PHF14: variants seen among roughly 807,000 people sequenced by gnomAD.
The protein encoded by PHF14 is PHD finger protein 14.
Under a neutral mutation model 117.9 loss-of-function variants are expected in PHF14, and 55 were observed. That is an observed-to-expected ratio of 0.47 (90% confidence interval 0.38 to 0.58). The LOEUF is 0.58. PHF14 is among the 20% of genes least tolerant of loss of function. PHF14 has a pLI of 0.00. For missense variants in PHF14, 978 were observed against 1,122.2 expected, an observed-to-expected ratio of 0.87 and a Z score of 1.84; for synonymous variants, 409 against 368.6, an observed-to-expected ratio of 1.11 and a Z score of -1.26.
At chr7:11,050,796 T>C (rs2128326475) in intron 13 of PHF14, among the ~76,000 whole-genome samples, 1 of 152,322 alleles carries the variant, frequency 6.6e-6, no homozygotes, top group South Asian at 2.1e-4. Flanking sequence ...GATAAATAAA[T>C]GTATATTTCT....
intron 2 of PHF14, among the ~76,000 whole-genome samples, chr7:10,976,522 C>T (rs930407591): frequency 2.0e-5 from 3 of 152,090 alleles, no homozygotes; most frequent in East Asian, 3.9e-4. Flanking sequence ...TTAAGTATTA[C>T]ATTATTATGT....
At chr7:11,040,971 A>G (rs1028806590) in intron 12 of PHF14, among the ~76,000 whole-genome samples, 196 bp downstream of exon 12, 2 of 152,048 alleles carry the variant, frequency 1.3e-5, no homozygotes, top group Admixed American at 6.6e-5. Context: ...GTTTTAACCT[A>G]AACTCTATGG....
chr7:11,092,689 T>G (rs544769221), intron 16 of PHF14, among the ~76,000 whole-genome samples: 1 of 152,294 alleles, frequency 6.6e-6, no homozygotes, highest in Non-Finnish European at 1.5e-5. Flanking sequence ...ATTGCCTTTT[T>G]GAAGTCTCTT....
intron 13 of PHF14, among the ~76,000 whole-genome samples, chr7:11,045,712 T>C (rs955808783): frequency 6.6e-6 from 1 of 152,156 alleles, no homozygotes; most frequent in Non-Finnish European, 1.5e-5. Flanking sequence ...TGGATACAGA[T>C]ACAGAAGTAA....
chr7:11,068,754 G>A (rs1158012866), intron 16 of PHF14, among the ~76,000 whole-genome samples: 3 of 152,144 alleles, frequency 2.0e-5, no homozygotes, highest in Non-Finnish European at 2.9e-5. Context: ...ATTATAATAG[G>A]CTTTGTGTTG....
chr7:11,019,746 T>C (rs1030985598), intron 5 of PHF14, among the ~76,000 whole-genome samples: 1 of 152,164 alleles, frequency 6.6e-6, no homozygotes, highest in Non-Finnish European at 1.5e-5. Flanking sequence ...TTATTTCTGC[T>C]CTGATCTTTA....
intron 16 of PHF14, chr7:11,071,233 C>A (rs1285223776): frequency 1.9e-6 from 1 of 518,126 alleles, no homozygotes; most frequent in Non-Finnish European, 3.9e-6. Context: ...AGTACACTAG[C>A]TCTGATATTC....
At chr7:11,020,043 A>C (rs1439212165) in intron 5 of PHF14, among the ~76,000 whole-genome samples, 2 of 150,908 alleles carry the variant, frequency 1.3e-5, no homozygotes, top group Non-Finnish European at 2.9e-5. Flanking sequence ...AATAAGCTTT[A>C]TGTTGCAATA....
chr7:11,004,246 CAAA>C (rs55917513), intron 4 of PHF14, among the ~76,000 whole-genome samples: 4 of 51,278 alleles, frequency 7.8e-5, no homozygotes, highest in Admixed American at 2.3e-4. Context: ...GACTTTGTCT[CAAA>C]AAAAAAAAAA....
chr7:11,152,639 A>G (rs1203051548), intron 17 of PHF14, among the ~76,000 whole-genome samples: 3 of 151,342 alleles, frequency 2.0e-5, no homozygotes, highest in Non-Finnish European at 4.4e-5. Context: ...ACTAACTTAT[A>G]AGGATATCGT....
intron 2 of PHF14, among the ~76,000 whole-genome samples, chr7:10,978,740 C>T (rs1313275577): frequency 6.6e-6 from 1 of 152,130 alleles, no homozygotes; most frequent in African/African-American, 2.4e-5. Context: ...CCTGCCCCAG[C>T]CTCACCTCCA....
At chr7:11,051,876 C>A in intron 14 of PHF14, 96 bp downstream of exon 14, 5 of 993,998 alleles carry the variant, frequency 5.0e-6, no homozygotes, top group South Asian at 1.9e-5. Context: ...ACTCAGAAGT[C>A]AAAGAAAAAG....
chr7:11,109,406 A>G (rs1242001842), intron 16 of PHF14: 4 of 151,894 alleles, frequency 2.6e-5, no homozygotes, highest in African/African-American at 9.7e-5. Flanking sequence ...GATGACAAAT[A>G]TAAATTATAT....
At chr7:11,098,223 A>G (rs771649157) in intron 16 of PHF14, among the ~76,000 whole-genome samples, 8 of 152,234 alleles carry the variant, frequency 5.3e-5, no homozygotes, top group Non-Finnish European at 7.3e-5. Flanking sequence ...AGCCATGTAT[A>G]TAATTTGAAA....
rs1362358132 is a variant in PHF14 at position 11,051,606 on chromosome 7, A to G, written c.2313-6A>G. The G allele has an allele frequency of 6.2e-7, 1 of 1,606,512 alleles. No individual in the cohort carries two copies. Among genetic ancestry groups the G allele is most frequent in the Middle Eastern group, 1.7e-4 (1 of 6,038 alleles). On this transcript the variant is annotated splice_polypyrimidine_tract_variant and splice_region_variant and intron_variant, in intron 13 of 17. Transcript: ENST00000634607. ...TGCATGACTTAAATTTTTCCCCTTT[A>G]TGTAGGCAGTGCTCGGAATGTGACC...
intron 16 of PHF14, among the ~76,000 whole-genome samples, chr7:11,099,763 A>G (rs1001450600): frequency 2.8e-4 from 43 of 152,012 alleles, no homozygotes; most frequent in African/African-American, 9.7e-4. Flanking sequence ...ATTTTTTCTT[A>G]AGTTATGTAA....
intron 3 of PHF14, among the ~76,000 whole-genome samples, chr7:10,986,652 C>T (rs1267699368): frequency 6.6e-6 from 1 of 152,126 alleles, no homozygotes; most frequent in Non-Finnish European, 1.5e-5. Context: ...TGAAGAATCC[C>T]CTTGAAATGT....
At chr7:11,023,697 G>A (rs1406270077) in intron 6 of PHF14, among the ~76,000 whole-genome samples, 3 of 152,120 alleles carry the variant, frequency 2.0e-5, no homozygotes, top group Admixed American at 6.6e-5. Context: ...GCGTGGTGGC[G>A]CGTGCCTGTA....
At chr7:11,161,781 T>C (rs1436741138) in intron 17 of PHF14, among the ~76,000 whole-genome samples, 2 of 121,674 alleles carry the variant, frequency 1.6e-5, no homozygotes, top group Admixed American at 7.7e-5. Flanking sequence ...TTTTTAGATA[T>C]TATTTTTGCC....
Sources: allele counts gnomAD v4.1 joint callset (sites outside exome capture counted in the v4.1 genomes callset), GRCh38; gene constraint gnomAD v4.1.1; transcripts MANE v1.5; gene names NCBI Gene and HGNC (gene_info 2026-07-23, HGNC 2026-07-21).